Variants in FNBP1L observed in about 807,000 individuals in gnomAD.
The protein encoded by FNBP1L is formin binding protein 1 like, also known as formin-binding protein 1-like.
In FNBP1L, 36 loss-of-function variants were observed where a neutral mutation model predicts 91.2. The observed-to-expected ratio is 0.39, with a 90% CI of 0.30 to 0.52. The LOEUF (loss-of-function observed/expected upper bound fraction) is 0.52, where lower values mean the gene tolerates loss of function less well. FNBP1L is among the 20% of genes least tolerant of loss of function. The pLI is 0.66. For synonymous variants in FNBP1L, 242 were observed against 237.0 expected, an observed-to-expected ratio of 1.02 and a Z score of -0.19; for missense variants, 571 against 732.1, an observed-to-expected ratio of 0.78 and a Z score of 2.54.
chr1:93,513,704 T>C (rs1401054059), intron 2 of FNBP1L, among the ~76,000 whole-genome samples: 1 of 152,174 alleles, frequency 6.6e-6, no homozygotes, highest in African/African-American at 2.4e-5. Context: ...AAAAGGCCTT[T>C]GACAAAATTC....
At chr1:93,514,135 G>A (rs1212313693) in intron 2 of FNBP1L, among the ~76,000 whole-genome samples, 1 of 151,942 alleles carries the variant, frequency 6.6e-6, no homozygotes, top group South Asian at 2.1e-4. Flanking sequence ...AACAGACAGA[G>A]AGCCAAATCA....
chr1:93,550,362 A>G (rs1672367097), intron 15 of FNBP1L, among the ~76,000 whole-genome samples: 2 of 152,196 alleles, frequency 1.3e-5, no homozygotes, highest in Admixed American at 1.3e-4. Context: ...TCTAGAGAGT[A>G]GGGAAGCAAT....
At chr1:93,544,529 T>G (rs1231520743) in intron 12 of FNBP1L, among the ~76,000 whole-genome samples, 4 of 152,170 alleles carry the variant, frequency 2.6e-5, no homozygotes, top group African/African-American at 9.6e-5. Context: ...ATTTTGCTTT[T>G]ATATATAAAT....
chr1:93,466,794 G>A (rs1379984220), intron 1 of FNBP1L, among the ~76,000 whole-genome samples: 1 of 152,146 alleles, frequency 6.6e-6, no homozygotes, highest in Non-Finnish European at 1.5e-5. Context: ...ACTTTGGGCA[G>A]TATGGCCATT....
At chr1:93,510,625 T>A (rs1325589624) in intron 2 of FNBP1L, among the ~76,000 whole-genome samples, 1 of 152,132 alleles carries the variant, frequency 6.6e-6, no homozygotes, top group Non-Finnish European at 1.5e-5. Context: ...TTTGATGAGC[T>A]GAGAGAAGGC....
At chr1:93,485,879 T>C (rs1669878946) in intron 1 of FNBP1L, among the ~76,000 whole-genome samples, 1 of 152,118 alleles carries the variant, frequency 6.6e-6, no homozygotes, top group South Asian at 2.1e-4. Flanking sequence ...TTTGTATTTT[T>C]AGTAGAGATG....
At chr1:93,502,215 A>G (rs1197313234) in intron 2 of FNBP1L, among the ~76,000 whole-genome samples, 2 of 152,188 alleles carry the variant, frequency 1.3e-5, no homozygotes, top group Admixed American at 6.6e-5. Context: ...TTATGTTACA[A>G]TGATTACCGT....
chr1:93,533,124 AAGTT>A lies in FNBP1L; in HGVS notation c.786+60_786+63del, dbSNP rs1187657549. The A allele has an allele frequency of 2.7e-6, 4 of 1,507,028 alleles. No homozygotes were observed. In the African/African-American group the frequency reaches 4.1e-5, roughly 15 times the overall value. The allele number at this position is 1,507,028 out of a possible 1,614,324, so 93.4% of individuals were successfully genotyped here. Reference sequence around the variant, plus strand: ...TCTGTTTGGTTTAGGTGTGCAGTTTAAGTTAGTGAAATGAGTTGAGAAAGGGATA... The same window carrying A: ...TCTGTTTGGTTTAGGTGTGCAGTTTAAGTGAAATGAGTTGAGAAAGGGATA... On this transcript the variant is annotated intron_variant, in intron 8 of 16. Coordinates refer to ENST00000271234, the MANE Select transcript of FNBP1L (RefSeq NM_001164473.3).
chr1:93,479,757 G>C (rs1669626584), intron 1 of FNBP1L, among the ~76,000 whole-genome samples: 1 of 152,200 alleles, frequency 6.6e-6, no homozygotes, highest in South Asian at 2.1e-4. Flanking sequence ...CAGGCAGTCA[G>C]ACCTTATGGT....
chr1:93,533,213 CCTTT>C (rs1308858294), intron 8 of FNBP1L, 145 bp downstream of exon 8: 1 of 546,050 alleles, frequency 1.8e-6, no homozygotes, highest in Non-Finnish European at 2.9e-6. Flanking sequence ...GCAATAGATT[CCTTT>C]GAGTTCTGAG....
At chr1:93,526,200 C>T (rs886478768) in intron 5 of FNBP1L, among the ~76,000 whole-genome samples, 7 of 152,126 alleles carry the variant, frequency 4.6e-5, no homozygotes, top group African/African-American at 1.4e-4. Flanking sequence ...AAGATAGAAG[C>T]ATCAGAGATG....
chr1:93,486,061 A>G (rs922541505), intron 1 of FNBP1L, among the ~76,000 whole-genome samples: 1 of 152,228 alleles, frequency 6.6e-6, no homozygotes, highest in Admixed American at 6.5e-5. Context: ...AGTTTTACAG[A>G]TGTGGAACAG....
At chr1:93,507,523 G>A (rs1037269893) in intron 2 of FNBP1L, among the ~76,000 whole-genome samples, 12 of 152,232 alleles carry the variant, frequency 7.9e-5, no homozygotes, top group East Asian at 5.8e-4. Flanking sequence ...AGGGATTTGC[G>A]GGACTTACTT....
chr1:93,458,282 A>G (rs1051118425), intron 1 of FNBP1L, among the ~76,000 whole-genome samples: 9 of 152,140 alleles, frequency 5.9e-5, no homozygotes, highest in Non-Finnish European at 1.2e-4. Context: ...GGATATCCAC[A>G]TGCAGAAGAA....
chr1:93,462,244 T>C (rs1363731179), intron 1 of FNBP1L, among the ~76,000 whole-genome samples: 3 of 152,216 alleles, frequency 2.0e-5, no homozygotes, highest in Admixed American at 2.0e-4. Context: ...TAAATTTGTC[T>C]ACAGAGAATA....
chr1:93,485,602 C>G (rs1188286747), intron 1 of FNBP1L, among the ~76,000 whole-genome samples: 1 of 152,178 alleles, frequency 6.6e-6, no homozygotes, highest in African/African-American at 2.4e-5. Flanking sequence ...TTTTTACTCA[C>G]ATCCCTAGTG....
intron 1 of FNBP1L, among the ~76,000 whole-genome samples, chr1:93,453,765 A>G (rs1668569463): frequency 6.6e-6 from 1 of 152,198 alleles, no homozygotes; most frequent in African/African-American, 2.4e-5. Flanking sequence ...AGTTCAGGCC[A>G]TGTCTATCTA....
chr1:93,544,001 G>C, intron 11 of FNBP1L, 106 bp from the exon 12 acceptor site: 1 of 734,732 alleles, frequency 1.4e-6, no homozygotes, highest in Non-Finnish European at 2.0e-6. Context: ...AGGCAAATTT[G>C]AAATTAAACT....
intron 1 of FNBP1L, among the ~76,000 whole-genome samples, chr1:93,452,034 A>C (rs1022946719): frequency 1.3e-4 from 20 of 152,240 alleles, no homozygotes; most frequent in African/African-American, 4.6e-4. Context: ...GTGATAGATT[A>C]GGTGGATAAT....
Sources: gnomAD v4.1 joint callset for allele counts (sites outside exome capture counted in the v4.1 genomes callset) on GRCh38, gnomAD v4.1.1 for gene constraint, MANE v1.5 for transcripts, NCBI Gene and HGNC (gene_info 2026-07-23, HGNC 2026-07-21) for gene names.